SEC16B: variants seen among roughly 807,000 people sequenced by gnomAD.
The protein encoded by SEC16B is protein transport protein Sec16B.
A neutral mutation model predicts 141.8 loss-of-function variants in SEC16B; 115 were observed. That is an observed-to-expected ratio of 0.81 (90% CI 0.70 to 0.95). The LOEUF is 0.95. Ranked by LOEUF, SEC16B falls within the 40% of genes least tolerant of loss-of-function variation. The pLI is 0.00. For synonymous variants in SEC16B, 493 were observed against 492.5 expected (o/e 1.00, Z -0.01); for missense variants, 1,291 against 1,312.3 (o/e 0.98, Z 0.25).
At chr1:177,935,911 C>T (rs1244733946) in intron 20 of SEC16B, among the ~76,000 whole-genome samples, 4 of 152,162 alleles carry the variant, frequency 2.6e-5, no homozygotes, top group Admixed American at 1.3e-4. Context: ...TCACAGCTAC[C>T]ACAGATCTTT....
intron 1 of SEC16B, among the ~76,000 whole-genome samples, chr1:177,983,071 A>G (rs1192634636): frequency 6.6e-6 from 1 of 152,172 alleles, no homozygotes; most frequent in African/African-American, 2.4e-5. Context: ...TGTGAGATCC[A>G]TTTCAGAAAT....
upstream of SEC16B, among the ~76,000 whole-genome samples, chr1:177,971,119 C>T (rs12065707): frequency 9.6e-3 from 1,443 of 150,812 alleles, 22 homozygotes; most frequent in African/African-American, 0.034. Flanking sequence ...CTTTCTCTGT[C>T]GCCCAGAGAT....
Position 177,952,039 on chromosome 1 carries a change from C to T in SEC16B, c.1464-44G>A, listed in dbSNP as rs758477542. 3.9e-6 allele frequency: 6 copies of T among 1,524,556 alleles called. No individual in the cohort carries two copies. The South Asian group carries it at 5.9e-5, about 15-fold the overall frequency. The allele number at this position is 1,524,556 out of a possible 1,614,324, so 94.4% of individuals were successfully genotyped here. ...TCAGCGAGGACCAAGCCCAGGGAAC[C>T]TCTTTACCCATTGCCCACAAGGCTC... On this transcript the variant is annotated intron_variant, in intron 11 of 25. Coordinates refer to ENST00000308284, the MANE Select transcript of SEC16B (RefSeq NM_033127.4).
intron 1 of SEC16B, among the ~76,000 whole-genome samples, chr1:177,976,493 C>A (rs920316787): frequency 1.3e-5 from 2 of 152,172 alleles, no homozygotes; most frequent in African/African-American, 4.8e-5. Flanking sequence ...AGCAAGACAA[C>A]TTGGTGGTCC....
intron 14 of SEC16B, 199 bp downstream of exon 14, chr1:177,946,221 G>T: frequency 3.1e-6 from 2 of 636,908 alleles, no homozygotes; most frequent in Non-Finnish European, 5.7e-6. Flanking sequence ...GTGGCCTGAG[G>T]CCCCCGCCAA....
intron 8 of SEC16B, 24 bp downstream of exon 8, chr1:177,960,317 CT>C: frequency 6.6e-7 from 1 of 1,513,432 alleles, no homozygotes. Context: ...AAAGCCCTTA[CT>C]CAGCAGCTCT....
chr1:177,954,405 T>A, intron 10 of SEC16B, 29 bp from the exon 11 acceptor site: 1 of 1,534,136 alleles, frequency 6.5e-7, no homozygotes, highest in Non-Finnish European at 8.9e-7. Context: ...CATTCAAGAG[T>A]GCCTTTCCCA....
At chr1:177,964,957 G>C (rs1009986203) in intron 4 of SEC16B, 90 bp downstream of exon 4, 24 of 1,454,908 alleles carry the variant, frequency 1.6e-5, no homozygotes, top group Non-Finnish European at 2.2e-5. Context: ...TTCTGGAGGT[G>C]AGATGGCAGC....
Position 177,982,634 on chromosome 1 carries a change from G to A in SEC16B, c.-59+1572C>T, listed in dbSNP as rs537099106. 5.3e-5 allele frequency among the ~76,000 whole-genome samples: 8 copies of A among 152,324 alleles called. 1 individual carries two copies. The South Asian group carries it at 8.3e-4, about 16-fold the overall frequency. The stretch of plus-strand genomic sequence containing the variant: ...CAAAAAGGACTGAACTGATGGTGAG[G>A]AGTTCTAGGAAGCTGAGGCTGCACT... On this transcript the variant is annotated intron_variant and NMD_transcript_variant, in intron 1 of 24. Transcript: ENST00000528461.
chr1:177,967,174 T>C (rs1653594287), intron 2 of SEC16B, among the ~76,000 whole-genome samples: 1 of 152,162 alleles, frequency 6.6e-6, no homozygotes, highest in African/African-American at 2.4e-5. Context: ...TTCCCATTCA[T>C]TCAATACAGA....
upstream of SEC16B, among the ~76,000 whole-genome samples, chr1:177,971,620 G>C (rs1190438463): frequency 3.3e-5 from 5 of 152,190 alleles, no homozygotes; most frequent in Non-Finnish European, 7.3e-5. Flanking sequence ...CATTAGTCTT[G>C]CCCTGTAACA....
Position 177,946,489 on chromosome 1 carries a change from A to T in SEC16B, c.1706T>A (p.Met569Lys). 4 of 1,585,442 alleles carry T rather than the reference A, an allele frequency of 2.5e-6. No homozygotes were observed. The highest frequency in any genetic ancestry group is 3.4e-6 in the Non-Finnish European group (4 of 1,166,376). The change falls in exon 14 of 26, where the codon ATG (methionine) becomes AAG (lysine). Residue 569 changes from methionine to lysine, a missense_variant. Physicochemically the swap from Met to Lys is moderately conservative, Grantham distance 95. Transcript: ENST00000308284. Reference protein sequence around the residue: ...LVEAAHFCYLMAHVPFGHYTV... With the variant: ...LVEAAHFCYLKAHVPFGHYTV... The stretch of plus-strand genomic sequence containing the variant: ...GTAGTGGCCAAAGGGCACGTGAGCC[A>T]TGAGATAGCAGAAGTGAGCTGCCTC...
At chr1:177,932,606 A>G (rs684227) in intron 23 of SEC16B, 37 bp from the exon 24 acceptor site, 828,521 of 1,519,586 alleles carry the variant, frequency 0.55, 228,281 homozygotes, top group East Asian at 0.74. Context: ...TCCTCTGCTC[A>G]GGACTGGGGG....
At position 177,933,478 on chromosome 1, in the gene SEC16B, C is replaced by T. The variant is rs776031471; in HGVS notation, c.2724+6G>A. 6.2e-7 allele frequency: 1 copy of T among 1,611,884 alleles called. No individual in the cohort carries two copies. The highest frequency in any genetic ancestry group is 8.5e-7 in the Non-Finnish European group (1 of 1,178,920). On this transcript the variant is annotated splice_donor_region_variant and intron_variant, in intron 21 of 25. Coordinates refer to ENST00000308284, the MANE Select transcript of SEC16B (RefSeq NM_033127.4). ...AGGCAGGGGAGAGAAGAACAAGTCCCTCCACCTTTGTATGCTCCTTCCCAT... is the reference window on the plus strand; with the variant it reads ...AGGCAGGGGAGAGAAGAACAAGTCCTTCCACCTTTGTATGCTCCTTCCCAT...
intron 1 of SEC16B, among the ~76,000 whole-genome samples, chr1:177,969,631 A>G (rs1653821662): frequency 1.3e-5 from 2 of 152,162 alleles, no homozygotes; most frequent in Non-Finnish European, 2.9e-5. Context: ...CAATCTTTCC[A>G]CTGAAATCAC....
intron 1 of SEC16B, among the ~76,000 whole-genome samples, chr1:177,978,505 A>AC (rs1654267607): frequency 6.6e-6 from 1 of 152,064 alleles, no homozygotes; most frequent in Non-Finnish European, 1.5e-5. Context: ...CAGAAGCTCA[A>AC]GAAACCCTGG....
At chr1:177,974,282 T>C (rs181463567), upstream of SEC16B, among the ~76,000 whole-genome samples, 32 of 152,102 alleles carry the variant, frequency 2.1e-4, no homozygotes, top group African/African-American at 7.0e-4. Flanking sequence ...AGAGAAAGCA[T>C]GGAGGAGAGA....
At chr1:177,963,556 T>C (rs1192911797) in intron 5 of SEC16B, among the ~76,000 whole-genome samples, 1 of 152,122 alleles carries the variant, frequency 6.6e-6, no homozygotes, top group African/African-American at 2.4e-5. Flanking sequence ...TAAGCCGAGA[T>C]TGCACCACTG....
chr1:177,939,554 G>T (rs1185038671), intron 18 of SEC16B, 148 bp downstream of exon 18: 2 of 671,308 alleles, frequency 3.0e-6, no homozygotes, highest in Non-Finnish European at 5.2e-6. Flanking sequence ...GCTGGGTGGA[G>T]AAGGCGCCTG....
Sources: gnomAD v4.1 joint callset for allele counts (sites outside exome capture counted in the v4.1 genomes callset) on GRCh38, gnomAD v4.1.1 for gene constraint, MANE v1.5 for transcripts, NCBI Gene and HGNC (gene_info 2026-07-23, HGNC 2026-07-21) for gene names.